SGPL1: variants seen among roughly 807,000 people sequenced by gnomAD.
The protein encoded by SGPL1 is sphingosine-1-phosphate lyase 1, also known as SP-lyase 1.
SGPL1 carries 37 observed loss-of-function variants against 68.9 expected under a neutral mutation model. That is an observed-to-expected ratio of 0.54 (90% CI 0.41 to 0.71). The LOEUF (loss-of-function observed/expected upper bound fraction) is 0.71. Among genes scored for constraint, SGPL1 ranks in the 30% least tolerant of loss-of-function variants. The pLI is 0.00. For missense variants in SGPL1, 551 were observed against 704.6 expected (o/e 0.78, Z 2.47); for synonymous variants, 236 against 248.5 (o/e 0.95, Z 0.47).
In SGPL1 at chr10:70,877,431, C is replaced by G; in HGVS notation, c.*96C>G. 2 of 1,212,042 alleles carry G rather than the reference C, an allele frequency of 1.7e-6. No homozygotes were observed. The highest frequency in any genetic ancestry group is 1.2e-6 in the Non-Finnish European group (1 of 830,098). 75.1% of individuals were successfully genotyped at this position (1,212,042 alleles called of 1,614,324 possible). A position where few individuals can be genotyped will look rare whatever the true frequency, so the allele number is the denominator to read the frequency against. On this transcript the variant is annotated 3_prime_UTR_variant, in exon 15 of 15. Coordinates refer to ENST00000373202, the MANE Select transcript of SGPL1 (RefSeq NM_003901.4). Reference sequence around the variant, plus strand: ...CACAACTTTGACATCTGGTCTTGCTCCATAGAGCACAACTCAAGATAGACC... The same window carrying G: ...CACAACTTTGACATCTGGTCTTGCTGCATAGAGCACAACTCAAGATAGACC...
rs1237286970 is a variant in SGPL1 at position 70,878,474 on chromosome 10, C to T, written c.*1139C>T. The T allele has an allele frequency of 6.6e-6, 1 of 152,232 alleles. No homozygotes were observed. Among genetic ancestry groups the T allele is most frequent in the Non-Finnish European group, 1.5e-5 (1 of 68,066 alleles). The allele number at this position is 152,232 out of a possible 1,614,324, so 9.4% of individuals were successfully genotyped here. On this transcript the variant is annotated 3_prime_UTR_variant, in exon 15 of 15. Transcript: ENST00000373202. ...TCCTGAATTGGCAGTGGTCAGAGCA[C>T]ACCTGAACCCTATCCTGGGCTGGTG...
intron 2 of SGPL1, among the ~76,000 whole-genome samples, chr10:70,836,461 C>T (rs772623940): frequency 2.0e-5 from 3 of 152,146 alleles, no homozygotes; most frequent in Non-Finnish European, 4.4e-5. Context: ...TCAGTTTTCC[C>T]CATCTATAGA....
chr10:70,872,005 C>T lies in SGPL1; in HGVS notation c.1059+19C>T. 2.5e-6 allele frequency: 4 copies of T among 1,602,880 alleles called. No homozygotes were observed. Among genetic ancestry groups the T allele is most frequent in the Non-Finnish European group, 3.4e-6 (4 of 1,175,640 alleles). On this transcript the variant is annotated intron_variant, in intron 11 of 14. Transcript: ENST00000373202. ...CCATAAGGTGAGCTAAGGAGGAGAT[C>T]AAGTGTTACCAGTTGATTATTTTGA...
At chr10:70,858,951 T>C (rs1050347009) in intron 6 of SGPL1, among the ~76,000 whole-genome samples, 4 of 152,348 alleles carry the variant, frequency 2.6e-5, no homozygotes, top group Non-Finnish European at 4.4e-5. Context: ...TAACAACAGC[T>C]GCTTTGTGCC....
In SGPL1 at chr10:70,852,323, T is replaced by A. The variant is rs538681120; in HGVS notation, c.261+1113T>A. 2.0e-5 allele frequency among the ~76,000 whole-genome samples: 3 copies of A among 152,316 alleles called. No homozygotes were observed. The South Asian group carries it at 6.2e-4, about 32-fold the overall frequency. Reference sequence around the variant, plus strand: ...AGAGATAGGTATCTTCAGGTTCATTTCCTGTAGGAGAGTGGGAGCAATAAC... The same window carrying A: ...AGAGATAGGTATCTTCAGGTTCATTACCTGTAGGAGAGTGGGAGCAATAAC... On this transcript the variant is annotated intron_variant, in intron 4 of 14. Transcript: ENST00000373202.
At chr10:70,846,163 T>C (rs1254543341) in intron 3 of SGPL1, among the ~76,000 whole-genome samples, 1 of 152,244 alleles carries the variant, frequency 6.6e-6, no homozygotes, top group Non-Finnish European at 1.5e-5. Context: ...CCTCAGTTGC[T>C]GCTCCTAGTC....
chr10:70,862,919 T>C (rs1020254034), intron 7 of SGPL1, among the ~76,000 whole-genome samples: 8 of 152,190 alleles, frequency 5.3e-5, no homozygotes, highest in East Asian at 1.9e-4. Context: ...TAGAAGCCCA[T>C]TGGGCTTTTC....
Position 70,881,103 on chromosome 10 carries a change from T to C in SGPL1, c.*3768T>C, listed in dbSNP as rs999660000. The C allele has an allele frequency of 6.6e-6, 1 of 152,224 alleles. No individual in the cohort carries two copies. Among genetic ancestry groups the C allele is most frequent in the African/African-American group, 2.4e-5 (1 of 41,450 alleles). The allele number at this position is 152,224 out of a possible 1,614,324, so 9.4% of individuals were successfully genotyped here. A position where few individuals can be genotyped will look rare whatever the true frequency, so the allele number is the denominator to read the frequency against. ...ATGCTTTCCTCTGTCTTGTAATCTT[T>C]TCTCTTCTTAATATCCTTCCCTATA... On this transcript the variant is annotated 3_prime_UTR_variant, in exon 15 of 15. Coordinates refer to ENST00000373202, the MANE Select transcript of SGPL1 (RefSeq NM_003901.4).
rs989401065 is a variant in SGPL1, at chr10:70,852,739, C to T, written c.261+1529C>T. Reference sequence around the variant, plus strand: ...GTGTGTGTGTGTGTGCGCGCGCACGCGTGTGTGTATACCTCTGTCATTTAT... The same window carrying T: ...GTGTGTGTGTGTGTGCGCGCGCACGTGTGTGTGTATACCTCTGTCATTTAT... On this transcript the variant is annotated intron_variant, in intron 4 of 14. Coordinates refer to ENST00000373202, the MANE Select transcript of SGPL1 (RefSeq NM_003901.4). Among the ~76,000 whole-genome samples the T allele has an allele frequency of 3.6e-4, 54 of 151,666 alleles. No homozygotes were observed. The East Asian group carries it at 4.5e-3, about 13-fold the overall frequency.
intron 2 of SGPL1, among the ~76,000 whole-genome samples, chr10:70,828,409 A>G (rs1481732823): frequency 6.6e-6 from 1 of 151,904 alleles, no homozygotes; most frequent in African/African-American, 2.4e-5. Flanking sequence ...GCAGCCTTGA[A>G]CTCTGGGTCT....
rs1420600358 is a variant in SGPL1 at position 70,871,154 on chromosome 10, A to G, written c.909+8A>G. 10 of 1,566,916 alleles carry G rather than the reference A, an allele frequency of 6.4e-6. No homozygotes were observed. Among genetic ancestry groups the G allele is most frequent in the Admixed American group, 1.7e-5 (1 of 57,856 alleles). On this transcript the variant is annotated splice_region_variant and intron_variant, in intron 10 of 14. Coordinates refer to ENST00000373202, the MANE Select transcript of SGPL1 (RefSeq NM_003901.4). ...GTCCCTGAAGTGGCCAAGGTATATG[A>G]GAGAAATGGGCTGCTAAGGCAGGCA...
chr10:70,874,320 G>T (rs529864135), intron 12 of SGPL1, among the ~76,000 whole-genome samples: 3 of 152,206 alleles, frequency 2.0e-5, no homozygotes, highest in Non-Finnish European at 2.9e-5. Flanking sequence ...GGTGGCTCCG[G>T]CCTGTAATCC....
Position 70,871,906 on chromosome 10 carries a change from G to A in SGPL1, c.979G>A (p.Glu327Lys). The A allele has an allele frequency of 6.2e-7, 1 of 1,614,042 alleles. No homozygotes were observed. Among genetic ancestry groups the A allele is most frequent in the Non-Finnish European group, 8.5e-7 (1 of 1,180,006 alleles). Reference protein sequence around the residue: ...CLGGFLIVFMEKAGYPLEHPF... With the variant: ...CLGGFLIVFMKKAGYPLEHPF... ...GGGAGGCTTCCTCATCGTCTTTATG[G>A]AGAAAGCAGGATACCCACTGGAGCA... Residue 327 changes from glutamate to lysine, a missense_variant, in exon 11 of 15, where the codon GAG becomes AAG. By Grantham distance (56) the Glu-to-Lys change is moderately conservative (BLOSUM62 1). Coordinates refer to ENST00000373202, the MANE Select transcript of SGPL1 (RefSeq NM_003901.4).
chr10:70,868,667 T>C (rs907374058), intron 8 of SGPL1, among the ~76,000 whole-genome samples: 4 of 140,962 alleles, frequency 2.8e-5, no homozygotes, highest in African/African-American at 1.0e-4. Flanking sequence ...CCCCAGATCA[T>C]GCATAGTATA....
chr10:70,833,304 C>T (rs1022951434), intron 2 of SGPL1, among the ~76,000 whole-genome samples: 4 of 152,162 alleles, frequency 2.6e-5, no homozygotes, highest in Non-Finnish European at 4.4e-5. Flanking sequence ...CTTTTTGAGA[C>T]GAACTTCTCA....
intron 2 of SGPL1, among the ~76,000 whole-genome samples, chr10:70,823,589 G>A (rs1413073745): frequency 5.5e-5 from 8 of 144,584 alleles, no homozygotes; most frequent in African/African-American, 1.8e-4. Context: ...AAAAGCTAAT[G>A]GGATCTCATT....
intron 2 of SGPL1, among the ~76,000 whole-genome samples, chr10:70,822,915 A>G (rs1413653701): frequency 1.3e-5 from 2 of 151,808 alleles, no homozygotes; most frequent in African/African-American, 2.4e-5. Flanking sequence ...GATATTCACT[A>G]AAGATAATCT....
At position 70,878,604 on chromosome 10, in the gene SGPL1, C is replaced by T. The variant is rs768325920; in HGVS notation, c.*1269C>T. ...AAGTTGGTGGTGGTCCTTCCCTGCA[C>T]CCTTGCGTTAAGCCATTATGTAATG... On this transcript the variant is annotated 3_prime_UTR_variant, in exon 15 of 15. Transcript: ENST00000373202. 6.6e-6 allele frequency: 1 copy of T among 152,204 alleles called. No homozygotes were observed. The highest frequency in any genetic ancestry group is 1.5e-5 in the Non-Finnish European group (1 of 68,050). The allele number at this position is 152,204 out of a possible 1,614,324, so 9.4% of individuals were successfully genotyped here. A position where few individuals can be genotyped will look rare whatever the true frequency, so the allele number is the denominator to read the frequency against.
At chr10:70,838,671 CT>C (rs1845667585) in intron 2 of SGPL1, among the ~76,000 whole-genome samples, 1 of 152,186 alleles carries the variant, frequency 6.6e-6, no homozygotes, top group South Asian at 2.1e-4. Context: ...TAAAATCACT[CT>C]GAAGCACTGC....
Sources: gnomAD v4.1 joint callset for allele counts (sites outside exome capture counted in the v4.1 genomes callset) on GRCh38, gnomAD v4.1.1 for gene constraint, MANE v1.5 for transcripts, NCBI Gene and HGNC (gene_info 2026-07-23, HGNC 2026-07-21) for gene names.